Variants in TRPC4AP observed in about 807,000 individuals in gnomAD.
The protein encoded by TRPC4AP is short transient receptor potential channel 4-associated protein.
A neutral mutation model predicts 99.0 loss-of-function variants in TRPC4AP; 45 were observed. The observed-to-expected ratio is 0.45, with a 90% confidence interval of 0.36 to 0.58. TRPC4AP has a LOEUF of 0.58. TRPC4AP is among the 20% of genes least tolerant of loss of function. TRPC4AP has a pLI of 0.00. For synonymous variants in TRPC4AP, 408 were observed against 385.8 expected (o/e 1.06, Z -0.67); for missense variants, 879 against 985.3 (o/e 0.89, Z 1.44).
At chr20:35,090,042 C>T (rs1201573285) in intron 1 of TRPC4AP, among the ~76,000 whole-genome samples, 3 of 151,228 alleles carry the variant, frequency 2.0e-5, no homozygotes, top group Non-Finnish European at 2.9e-5. Context: ...ATCACTTGAG[C>T]CCAGGAAGTT....
chr20:35,090,433 G>A (rs184413374), intron 1 of TRPC4AP, among the ~76,000 whole-genome samples: 7 of 146,074 alleles, frequency 4.8e-5, no homozygotes, highest in African/African-American at 1.8e-4. Context: ...CTGGAGTGCA[G>A]TGGCGTGATC....
intron 3 of TRPC4AP, among the ~76,000 whole-genome samples, chr20:35,066,289 T>G (rs538243574): frequency 1.3e-5 from 2 of 152,222 alleles, no homozygotes; most frequent in South Asian, 4.1e-4. Context: ...TAATTTTTAG[T>G]AGTGATGGGG....
At chr20:35,070,071 A>C (rs1316881308) in intron 2 of TRPC4AP, among the ~76,000 whole-genome samples, 1 of 152,158 alleles carries the variant, frequency 6.6e-6, no homozygotes, top group Non-Finnish European at 1.5e-5. Context: ...TCCTTAGTTG[A>C]TCTCCAGCTG....
chr20:35,092,799 A>C lies in TRPC4AP; in HGVS notation c.-18T>G. ...GCCGCCATGTCTCCTCGTCGGACAA[A>C]CAGGAAGCAAGCGGCCTCGGGGCCG... On this transcript the variant is annotated 5_prime_UTR_variant, in exon 1 of 19. Transcript: ENST00000252015. 6.6e-7 allele frequency: 1 copy of C among 1,509,972 alleles called. No individual in the cohort carries two copies. The highest frequency in any genetic ancestry group is 8.8e-7 in the Non-Finnish European group (1 of 1,141,028). 93.5% of individuals were successfully genotyped at this position (1,509,972 alleles called of 1,614,324 possible).
At chr20:35,046,185 A>T (rs1004876849) in intron 6 of TRPC4AP, among the ~76,000 whole-genome samples, 5 of 152,164 alleles carry the variant, frequency 3.3e-5, no homozygotes, top group African/African-American at 1.2e-4. Context: ...AATATCCTAT[A>T]AGTTAAATTT....
Position 35,092,640 on chromosome 20 carries a change from C to T in TRPC4AP, c.142G>A (p.Gly48Ser). Residue 48 changes from glycine (G) to serine (S), a missense_variant, in exon 1 of 19, where the codon GGC becomes AGC. By Grantham distance (56) the Gly-to-Ser change is moderately conservative. Coordinates refer to ENST00000252015, the MANE Select transcript of TRPC4AP (RefSeq NM_015638.3). Reference sequence around the variant, plus strand: ...TGCACCGCCCGGACCAGGCCCCGGCCGGTCAGCTGGCCCTGCCGCAGCTGC... The same window carrying T: ...TGCACCGCCCGGACCAGGCCCCGGCTGGTCAGCTGGCCCTGCCGCAGCTGC... ...LLQLRQGQLT[G>S]RGLVRAVQFT... The T allele has an allele frequency of 6.6e-7, 1 of 1,515,674 alleles. No individual in the cohort carries two copies. The highest frequency in any genetic ancestry group is 8.8e-7 in the Non-Finnish European group (1 of 1,139,878). 93.9% of individuals were successfully genotyped at this position (1,515,674 alleles called of 1,614,324 possible). A position where few individuals can be genotyped will look rare whatever the true frequency, so the allele number is the denominator to read the frequency against.
chr20:35,054,290 T>G (rs1488811362), intron 5 of TRPC4AP, among the ~76,000 whole-genome samples: 1 of 152,164 alleles, frequency 6.6e-6, no homozygotes, highest in Non-Finnish European at 1.5e-5. Context: ...CAGTTTATCA[T>G]AAGTTTCTAA....
chr20:35,034,705 G>GAGTCTTCTTATTTAATAGGC (rs1324593293), intron 8 of TRPC4AP, among the ~76,000 whole-genome samples: 2 of 152,196 alleles, frequency 1.3e-5, no homozygotes, highest in Non-Finnish European at 2.9e-5. Flanking sequence ...CTGAGACTGG[G>GAGTCTTCTTATTTAATAGGC]AGTCTTCTTA....
intron 5 of TRPC4AP, among the ~76,000 whole-genome samples, chr20:35,051,532 G>A (rs949665536): frequency 2.7e-5 from 4 of 150,028 alleles, no homozygotes; most frequent in South Asian, 2.1e-4. Context: ...AATCTTTGAC[G>A]ATCACATTAA....
chr20:35,005,234 T>C (rs1207992001), intron 16 of TRPC4AP, among the ~76,000 whole-genome samples: 1 of 152,182 alleles, frequency 6.6e-6, no homozygotes, highest in Non-Finnish European at 1.5e-5. Context: ...TGCCTGACTT[T>C]TTGGGGGTGT....
intron 5 of TRPC4AP, among the ~76,000 whole-genome samples, chr20:35,051,477 T>A (rs756871074): frequency 6.6e-6 from 1 of 152,114 alleles, no homozygotes; most frequent in Non-Finnish European, 1.5e-5. Context: ...CTGGCAAATT[T>A]AATTTTCAAA....
chr20:35,018,966 AAAAG>A (rs760440120), intron 9 of TRPC4AP, among the ~76,000 whole-genome samples: 2 of 152,242 alleles, frequency 1.3e-5, no homozygotes, highest in Non-Finnish European at 2.9e-5. Flanking sequence ...AGGGGGCACT[AAAAG>A]AAACGACTGC....
chr20:35,020,239 C>T lies in TRPC4AP; in HGVS notation c.1218+951G>A, dbSNP rs569360633. 5.8e-4 allele frequency among the ~76,000 whole-genome samples: 89 copies of T among 152,182 alleles called. 1 individual carries two copies. The highest frequency in any genetic ancestry group is 1.3e-4 in the Non-Finnish European group (9 of 68,030). On this transcript the variant is annotated intron_variant, in intron 9 of 18. Coordinates refer to ENST00000252015, the MANE Select transcript of TRPC4AP (RefSeq NM_015638.3). ...CCCCTAATGGTCGCCCTATTCCCTT[C>T]CTTGCTGTTTCCAGTCTTTCCAAAA...
intron 3 of TRPC4AP, among the ~76,000 whole-genome samples, chr20:35,063,852 C>G (rs2084072602): frequency 6.6e-6 from 1 of 152,090 alleles, no homozygotes; most frequent in Non-Finnish European, 1.5e-5. Context: ...CAGTGCAACT[C>G]TATCTCTAAA....
intron 1 of TRPC4AP, 135 bp from the exon 2 acceptor site, chr20:35,078,309 C>G (rs527715135): frequency 1.1e-6 from 1 of 871,434 alleles, no homozygotes; most frequent in Non-Finnish European, 1.7e-6. Flanking sequence ...TATAAAAAGC[C>G]TCTTTCTATA....
intron 10 of TRPC4AP, among the ~76,000 whole-genome samples, chr20:35,015,461 CTTT>C (rs57896641): frequency 7.9e-5 from 10 of 126,118 alleles, no homozygotes; most frequent in Admixed American, 2.5e-4. Flanking sequence ...CAGGCAGGAA[CTTT>C]TTTTTTTTTT....
chr20:35,010,042 T>C (rs776556225), intron 12 of TRPC4AP, 145 bp downstream of exon 12: 4 of 645,008 alleles, frequency 6.2e-6, no homozygotes, highest in Admixed American at 2.8e-5. Context: ...ATGAATACAA[T>C]GCCTGGCACA....
At chr20:35,040,730 G>C (rs2083428802) in intron 7 of TRPC4AP, among the ~76,000 whole-genome samples, 2 of 152,154 alleles carry the variant, frequency 1.3e-5, no homozygotes, top group Admixed American at 1.3e-4. Context: ...CAGCCTCCCA[G>C]GTTGTTGGGA....
At chr20:35,020,705 T>A (rs1343263419) in intron 9 of TRPC4AP, among the ~76,000 whole-genome samples, 1 of 152,170 alleles carries the variant, frequency 6.6e-6, no homozygotes, top group Non-Finnish European at 1.5e-5. Context: ...AAGCCCTTTT[T>A]CCTCCACTGT....
Sources: gnomAD v4.1 joint callset for allele counts (sites outside exome capture counted in the v4.1 genomes callset) on GRCh38, gnomAD v4.1.1 for gene constraint, MANE v1.5 for transcripts, NCBI Gene and HGNC (gene_info 2026-07-23, HGNC 2026-07-21) for gene names.